MBD5: variants seen among roughly 807,000 people sequenced by gnomAD.
The protein encoded by MBD5 is methyl-CpG-binding domain protein 5.
In MBD5, 13 loss-of-function variants were observed where a neutral mutation model predicts 117.3. That is an observed-to-expected ratio of 0.11 (90% CI 0.07 to 0.18). The LOEUF (loss-of-function observed/expected upper bound fraction) is 0.18, where lower values mean the gene tolerates loss of function less well. MBD5 is among the 10% of genes least tolerant of loss of function. MBD5 has a pLI of 1.00. For missense variants in MBD5, 1,879 were observed against 2,093.8 expected (o/e 0.90, Z 2.00); for synonymous variants, 727 against 766.4 (o/e 0.95, Z 0.85).
intron 2 of MBD5, among the ~76,000 whole-genome samples, chr2:148,218,985 A>G (rs1362962707): frequency 6.6e-6 from 1 of 152,216 alleles, no homozygotes; most frequent in Non-Finnish European, 1.5e-5. Flanking sequence ...TACAATAACA[A>G]ATTAACCTTA....
intron 11 of MBD5, among the ~76,000 whole-genome samples, chr2:148,494,953 G>A (rs1005202367): frequency 3.3e-5 from 5 of 151,992 alleles, no homozygotes; most frequent in Admixed American, 6.6e-5. Context: ...ACAGAGCGAG[G>A]CTCTGTCTCA....
chr2:148,484,536 G>A lies in MBD5; in HGVS notation c.3544+401G>A, dbSNP rs1028443443. Among the ~76,000 whole-genome samples, 6 of 152,156 alleles carry A rather than the reference G, an allele frequency of 3.9e-5. No homozygotes were observed. In the South Asian group the frequency reaches 1.0e-3, roughly 26 times the overall value. On this transcript the variant is annotated intron_variant, in intron 9 of 13. Transcript: ENST00000642680. ...GGGTTAGTATGAGCAGCTGCACTGT[G>A]GATGGAAACAGATTGAGAAAGTGTT...
At chr2:148,021,753 A>G (rs1344649686) in intron 1 of MBD5, 69 bp downstream of exon 1, 5 of 273,554 alleles carry the variant, frequency 1.8e-5, no homozygotes, top group African/African-American at 2.3e-5. Context: ...CAACAGTAGC[A>G]CCAAACCACA....
At chr2:148,109,267 A>G (rs999463217) in intron 1 of MBD5, among the ~76,000 whole-genome samples, 1 of 152,196 alleles carries the variant, frequency 6.6e-6, no homozygotes, top group African/African-American at 2.4e-5. Flanking sequence ...CCTGGGCAAC[A>G]GAGTGAGACT....
At chr2:148,374,675 A>C (rs1703947406) in intron 4 of MBD5, among the ~76,000 whole-genome samples, 1 of 152,158 alleles carries the variant, frequency 6.6e-6, no homozygotes, top group Non-Finnish European at 1.5e-5. Flanking sequence ...TGCAAAAGAC[A>C]AAGTACCTCC....
At chr2:148,129,744 TATTA>T (rs1696991834) in intron 1 of MBD5, among the ~76,000 whole-genome samples, 1 of 152,228 alleles carries the variant, frequency 6.6e-6, no homozygotes, top group African/African-American at 2.4e-5. Flanking sequence ...CTTTATAGTA[TATTA>T]ATTGATAATT....
Position 148,516,545 on chromosome 2 carries a change from C to T in MBD5, c.*3604C>T, listed in dbSNP as rs976163153. ...AGTTCATCTTTTTCTTTCATTCACT[C>T]TATCACATTTGCATTAGCCAAAGAG... On this transcript the variant is annotated 3_prime_UTR_variant, in exon 14 of 14. Coordinates refer to ENST00000642680, the MANE Select transcript of MBD5 (RefSeq NM_001378120.1). 4.6e-5 allele frequency: 7 copies of T among 152,184 alleles called. No individual in the cohort carries two copies. Among genetic ancestry groups the T allele is most frequent in the African/African-American group, 1.4e-4 (6 of 41,436 alleles). The allele number at this position is 152,184 out of a possible 1,614,324, so 9.4% of individuals were successfully genotyped here.
rs1701597140 is a variant in MBD5 at position 148,294,509 on chromosome 2, T to TTTGTTGTTTTTTTTTTTTTTTGTTTG, written c.-679-47703_-679-47702insGTTGTTTTTTTTTTTTTTTGTTTGTT. ...AAAGTGCTGGGATTACAGTTTTTTTTTTTTTTTTTTTTGAGATAGAGCTGG... is the reference window on the plus strand; with the variant it reads ...AAAGTGCTGGGATTACAGTTTTTTTTTTGTTGTTTTTTTTTTTTTTTGTTTGTTTTTTTTTTTTGAGATAGAGCTGG... On this transcript the variant is annotated intron_variant, in intron 3 of 13. Transcript: ENST00000642680. Among the ~76,000 whole-genome samples, 5 of 129,984 alleles carry TTTGTTGTTTTTTTTTTTTTTTGTTTG rather than the reference T, an allele frequency of 3.8e-5. No individual in the cohort carries two copies. The Admixed American group carries it at 3.9e-4, about 10-fold the overall frequency. The allele number at this position is 129,984 out of a possible 152,430, so 85.3% of individuals were successfully genotyped here.
At chr2:148,495,835 G>A (rs1469874266) in intron 11 of MBD5, among the ~76,000 whole-genome samples, 1 of 152,070 alleles carries the variant, frequency 6.6e-6, no homozygotes, top group African/African-American at 2.4e-5. Flanking sequence ...TCTATTGGGG[G>A]GCAATACATT....
chr2:148,180,059 A>C (rs1430140288), intron 2 of MBD5, among the ~76,000 whole-genome samples: 1 of 151,764 alleles, frequency 6.6e-6, no homozygotes, highest in East Asian at 1.9e-4. Context: ...TTATTCTCTT[A>C]GAGTGCAAGT....
At chr2:148,317,776 A>G (rs1332237679) in intron 3 of MBD5, among the ~76,000 whole-genome samples, 7 of 152,212 alleles carry the variant, frequency 4.6e-5, no homozygotes, top group Non-Finnish European at 5.9e-5. Context: ...ATGTTGCTGC[A>G]AAAGACATGA....
At chr2:148,069,607 G>GT (rs1472363491) in intron 1 of MBD5, among the ~76,000 whole-genome samples, 3 of 151,868 alleles carry the variant, frequency 2.0e-5, no homozygotes, top group Admixed American at 6.6e-5. Flanking sequence ...AGAGCAGGCA[G>GT]TTTTTGTCTA....
chr2:148,310,205 G>A (rs1378202659), intron 3 of MBD5, among the ~76,000 whole-genome samples: 1 of 152,162 alleles, frequency 6.6e-6, no homozygotes, highest in Non-Finnish European at 1.5e-5. Flanking sequence ...GTTTGGAATA[G>A]TTTCAGAAGG....
intron 1 of MBD5, among the ~76,000 whole-genome samples, chr2:148,048,133 G>A (rs2105736656): frequency 6.6e-6 from 1 of 152,222 alleles, no homozygotes; most frequent in Middle Eastern, 3.4e-3. Flanking sequence ...TTCTGTCTCT[G>A]TAAAGCATCA....
At position 148,052,912 on chromosome 2, in the gene MBD5, A is replaced by G. The variant is rs190324647; in HGVS notation, c.-925+31228A>G. ...AGGAGGCAGAAGTTGCAATGAGCCA[A>G]TATCACATTACTGCACTCCAACCTG... On this transcript the variant is annotated intron_variant, in intron 1 of 13. Transcript: ENST00000642680. Among the ~76,000 whole-genome samples, 11 of 151,010 alleles carry G rather than the reference A, an allele frequency of 7.3e-5. 1 individual carries two copies. Among genetic ancestry groups the G allele is most frequent in the Middle Eastern group, 3.4e-3 (1 of 292 alleles).
At chr2:148,492,422 T>A (rs1157614970) in intron 11 of MBD5, among the ~76,000 whole-genome samples, 1 of 152,028 alleles carries the variant, frequency 6.6e-6, no homozygotes, top group Non-Finnish European at 1.5e-5. Flanking sequence ...TACTATATAC[T>A]AAAAGTATTT....
intron 2 of MBD5, among the ~76,000 whole-genome samples, chr2:148,220,443 A>G (rs1378253342): frequency 6.6e-6 from 1 of 152,174 alleles, no homozygotes; most frequent in African/African-American, 2.4e-5. Flanking sequence ...GGAAGAGACA[A>G]GAAATTAACA....
intron 1 of MBD5, among the ~76,000 whole-genome samples, chr2:148,143,761 G>A (rs1453347846): frequency 6.6e-6 from 1 of 151,996 alleles, no homozygotes; most frequent in East Asian, 1.9e-4. Context: ...CTTCATCCAG[G>A]TCCCTACAAA....
chr2:148,460,410 G>C (rs1707032120), intron 5 of MBD5: 1 of 152,002 alleles, frequency 6.6e-6, no homozygotes, highest in African/African-American at 2.4e-5. Flanking sequence ...AATTATTTTG[G>C]AAACAAGCTT....
Sources: gnomAD v4.1 joint callset for allele counts (sites outside exome capture counted in the v4.1 genomes callset) on GRCh38, gnomAD v4.1.1 for gene constraint, MANE v1.5 for transcripts, NCBI Gene and HGNC (gene_info 2026-07-23, HGNC 2026-07-21) for gene names.